Variants in GARIN1B observed in about 807,000 individuals in gnomAD.
GARIN1B encodes the protein golgi associated RAB2 interactor 1B, also known as Golgi-associated RAB2 interactor protein 1B.
chr7:128,718,148 T>C, the GARIN1B span, among the ~76,000 whole-genome samples: 1 of 151,964 alleles, frequency 6.6e-6, no homozygotes, highest in Non-Finnish European at 1.5e-5. Context: ...AGAAAGAAAT[T>C]TTGGCTGGGC....
chr7:128,724,776 T>C, the GARIN1B span: 3 of 1,289,566 alleles, frequency 2.3e-6, no homozygotes, highest in African/African-American at 1.5e-5. Context: ...CAGGAACCAG[T>C]TGGACCAGCA....
At chr7:128,730,030 C>G in the GARIN1B span, 27 of 1,614,046 alleles carry the variant, frequency 1.7e-5, no homozygotes, top group Non-Finnish European at 2.2e-5. Context: ...ACTCAGCACT[C>G]TGGCAGCCTC....
the GARIN1B span, chr7:128,717,018 T>C: frequency 1.3e-6 from 2 of 1,586,218 alleles, no homozygotes; most frequent in Non-Finnish European, 1.7e-6. Flanking sequence ...CAGATGAGAA[T>C]GGAGGACAAG....
the GARIN1B span, chr7:128,729,809 G>C: frequency 7.5e-7 from 1 of 1,333,592 alleles, no homozygotes; most frequent in Non-Finnish European, 1.1e-6. Context: ...ATGGTGCCTG[G>C]CACATCGTAA....
the GARIN1B span, among the ~76,000 whole-genome samples, chr7:128,711,081 CT>C: frequency 1.3e-5 from 2 of 152,080 alleles, no homozygotes; most frequent in African/African-American, 4.8e-5. Context: ...AGAGAAGAGT[CT>C]TGTCAAATAT....
the GARIN1B span, chr7:128,715,352 G>T: frequency 1.9e-6 from 3 of 1,544,788 alleles, 1 homozygote; most frequent in South Asian, 1.2e-5. Context: ...GCTGACTGGT[G>T]GTCCCAGGGC....
the GARIN1B span, chr7:128,723,173 G>A: frequency 1.9e-6 from 3 of 1,591,084 alleles, no homozygotes; most frequent in African/African-American, 1.4e-5. Flanking sequence ...TAACCACCTG[G>A]TTCTGCTTTT....
chr7:128,728,335 G>T, the GARIN1B span, among the ~76,000 whole-genome samples: 1 of 152,044 alleles, frequency 6.6e-6, no homozygotes, highest in Non-Finnish European at 1.5e-5. Context: ...CCAGCTACTC[G>T]GGAGGCTGAG....
the GARIN1B span, among the ~76,000 whole-genome samples, chr7:128,712,663 T>C: frequency 6.6e-6 from 1 of 152,178 alleles, no homozygotes; most frequent in African/African-American, 2.4e-5. Flanking sequence ...GTCAGCATGG[T>C]TGAGGCTGTC....
chr7:128,720,659 C>T, the GARIN1B span, among the ~76,000 whole-genome samples: 5 of 152,240 alleles, frequency 3.3e-5, no homozygotes, highest in Admixed American at 6.5e-5. Context: ...AGGTAATGAT[C>T]TAAGTACTTT....
At chr7:128,714,028 G>A in the GARIN1B span, 4 of 1,534,744 alleles carry the variant, frequency 2.6e-6, no homozygotes, top group Non-Finnish European at 3.5e-6. Context: ...AAGATAATGA[G>A]AAAAGTGAGG....
At chr7:128,717,155 G>A in the GARIN1B span, among the ~76,000 whole-genome samples, 4 of 152,258 alleles carry the variant, frequency 2.6e-5, no homozygotes, top group Admixed American at 2.6e-4. Flanking sequence ...GTGTTGCACT[G>A]GAAGGACAGA....
chr7:128,710,333 A>G, the GARIN1B span, among the ~76,000 whole-genome samples: 1 of 152,212 alleles, frequency 6.6e-6, no homozygotes, highest in Non-Finnish European at 1.5e-5. Context: ...AATATAGTAC[A>G]TTCTGTTCTT....
the GARIN1B span, chr7:128,718,994 G>C: frequency 3.7e-6 from 6 of 1,614,010 alleles, no homozygotes; most frequent in Non-Finnish European, 5.1e-6. Flanking sequence ...TCTGCAAAAG[G>C]GGCTGTCCAT....
chr7:128,710,132 G>T, the GARIN1B span, among the ~76,000 whole-genome samples: 1 of 152,074 alleles, frequency 6.6e-6, no homozygotes, highest in East Asian at 1.9e-4. Flanking sequence ...TGGCCAGGCT[G>T]GTCTCAAACT....
At chr7:128,714,238 A>G in the GARIN1B span, 1 of 1,162,462 alleles carries the variant, frequency 8.6e-7, no homozygotes, top group Non-Finnish European at 1.2e-6. Flanking sequence ...AACTCTGTCT[A>G]TATGTGTTAC....
the GARIN1B span, among the ~76,000 whole-genome samples, chr7:128,723,581 T>C: frequency 1.0e-4 from 15 of 147,786 alleles, no homozygotes; most frequent in Non-Finnish European, 2.2e-4. Flanking sequence ...CTTTTTGAGA[T>C]AGGCTCTCAC....
At chr7:128,723,170 C>G in the GARIN1B span, 4 of 1,588,418 alleles carry the variant, frequency 2.5e-6, no homozygotes, top group Non-Finnish European at 2.6e-6. Flanking sequence ...CCTTAACCAC[C>G]TGGTTCTGCT....
the GARIN1B span, among the ~76,000 whole-genome samples, chr7:128,718,442 A>C: frequency 6.6e-6 from 1 of 151,582 alleles, no homozygotes; most frequent in Non-Finnish European, 1.5e-5. Flanking sequence ...CAGAAAAAAA[A>C]AAAAAAAAGA....
Sources: gnomAD v4.1 joint callset for allele counts (sites outside exome capture counted in the v4.1 genomes callset) on GRCh38, gnomAD v4.1.1 for gene constraint, MANE v1.5 for transcripts, NCBI Gene and HGNC (gene_info 2026-07-23, HGNC 2026-07-21) for gene names.